The following GRIA4 variants were observed in gnomAD, a reference collection of about 807,000 sequenced individuals.
GRIA4 encodes the protein glutamate receptor 4.
A neutral mutation model predicts 104.0 loss-of-function variants in GRIA4; 34 were observed. The observed-to-expected ratio is 0.33, with a 90% CI of 0.25 to 0.44. GRIA4 has a LOEUF of 0.44. Among genes scored for constraint, GRIA4 ranks in the 20% least tolerant of loss-of-function variants. The pLI is 1.00. For synonymous variants in GRIA4, 386 were observed against 381.9 expected (o/e 1.01, Z -0.13); for missense variants, 750 against 1,096.5 (o/e 0.68, Z 4.46).
intron 14 of GRIA4, among the ~76,000 whole-genome samples, chr11:105,966,700 AG>A (rs1028180602): frequency 1.2e-5 from 1 of 86,412 alleles, no homozygotes; most frequent in African/African-American, 4.6e-5. Flanking sequence ...CTAAAATAAT[AG>A]TTTTTTTTAT....
At chr11:105,909,247 C>G (rs146136406) in intron 9 of GRIA4, among the ~76,000 whole-genome samples, 2 of 152,122 alleles carry the variant, frequency 1.3e-5, no homozygotes, top group Non-Finnish European at 2.9e-5. Context: ...TAAATACTAA[C>G]ATGGCAGTTG....
At chr11:105,949,866 A>C (rs1428331340) in intron 14 of GRIA4, among the ~76,000 whole-genome samples, 1 of 152,194 alleles carries the variant, frequency 6.6e-6, no homozygotes, top group Non-Finnish European at 1.5e-5. Context: ...TTTGATTAAG[A>C]GACTAGACTT....
At chr11:105,712,015 A>C (rs909077212) in intron 3 of GRIA4, among the ~76,000 whole-genome samples, 3 of 152,182 alleles carry the variant, frequency 2.0e-5, no homozygotes, top group Admixed American at 6.6e-5. Flanking sequence ...TCTCTATGAT[A>C]GAGTTTTTGA....
At chr11:105,672,899 G>T (rs558224727) in intron 3 of GRIA4, among the ~76,000 whole-genome samples, 2 of 151,834 alleles carry the variant, frequency 1.3e-5, no homozygotes, top group African/African-American at 4.8e-5. Flanking sequence ...TTAAATGCAG[G>T]TATTCATTTA....
intron 3 of GRIA4, among the ~76,000 whole-genome samples, chr11:105,681,604 T>C (rs1279541737): frequency 6.6e-6 from 1 of 152,170 alleles, no homozygotes; most frequent in African/African-American, 2.4e-5. Flanking sequence ...TAGTCTGAAT[T>C]GAGATGTTCT....
rs140010962 is a variant in GRIA4, at chr11:105,644,355, C to T, written c.247+31921C>T. Reference sequence around the variant, plus strand: ...CGCCTGTAATCCCAGCACTTTGGGACGCCAAGGTGGGGAACTGCTTGAGAT... The same window carrying T: ...CGCCTGTAATCCCAGCACTTTGGGATGCCAAGGTGGGGAACTGCTTGAGAT... On this transcript the variant is annotated intron_variant, in intron 3 of 16. Transcript: ENST00000282499. 7.9e-4 allele frequency among the ~76,000 whole-genome samples: 119 copies of T among 151,380 alleles called. No homozygotes were observed. In the East Asian group the frequency reaches 0.015, roughly 19 times the overall value.
intron 5 of GRIA4, among the ~76,000 whole-genome samples, chr11:105,879,765 T>C (rs916855549): frequency 2.6e-5 from 4 of 152,234 alleles, no homozygotes; most frequent in African/African-American, 9.6e-5. Context: ...GGATTTCTCA[T>C]AAACAGGTTT....
chr11:105,653,516 A>G (rs1951742869), intron 3 of GRIA4, among the ~76,000 whole-genome samples: 1 of 152,222 alleles, frequency 6.6e-6, no homozygotes, highest in African/African-American at 2.4e-5. Flanking sequence ...TAAGAATGGC[A>G]TGCAATTGAA....
intron 3 of GRIA4, among the ~76,000 whole-genome samples, chr11:105,730,245 A>G (rs1179792511): frequency 1.3e-5 from 2 of 152,196 alleles, no homozygotes; most frequent in African/African-American, 4.8e-5. Context: ...ATAGACAAAC[A>G]GTGAGCCAAA....
intron 14 of GRIA4, among the ~76,000 whole-genome samples, chr11:105,954,816 T>C (rs1209631322): frequency 1.3e-5 from 2 of 151,722 alleles, no homozygotes; most frequent in Non-Finnish European, 2.9e-5. Context: ...ATTTGCAATA[T>C]GCAGTTATTA....
At chr11:105,837,656 G>T (rs548349171) in intron 4 of GRIA4, among the ~76,000 whole-genome samples, 1 of 152,062 alleles carries the variant, frequency 6.6e-6, no homozygotes, top group Non-Finnish European at 1.5e-5. Flanking sequence ...ACTCAATGAG[G>T]ATTTAATGAG....
At chr11:105,629,406 G>A (rs958024948) in intron 3 of GRIA4, among the ~76,000 whole-genome samples, 1 of 151,882 alleles carries the variant, frequency 6.6e-6, no homozygotes, top group Admixed American at 6.6e-5. Flanking sequence ...ATTATTATAT[G>A]GCTACTAAAC....
chr11:105,768,829 A>T (rs1456218219), intron 4 of GRIA4, among the ~76,000 whole-genome samples: 3 of 152,056 alleles, frequency 2.0e-5, no homozygotes, highest in African/African-American at 7.2e-5. Context: ...CACAAATCTC[A>T]TGAATGTTAA....
chr11:105,721,139 G>C (rs1178127635), intron 3 of GRIA4, among the ~76,000 whole-genome samples: 1 of 151,996 alleles, frequency 6.6e-6, no homozygotes, highest in Non-Finnish European at 1.5e-5. Context: ...CTATGTTTTG[G>C]GGTTTTTAAT....
chr11:105,913,568 A>G lies in GRIA4; in HGVS notation c.1269+3023A>G, dbSNP rs919212610. ...TTTCTGCAAATAACCCAAAGAAGCC[A>G]AATCTATTCCATGTGGTTTGGATAA... is the stretch of plus-strand genomic sequence containing the variant. On this transcript the variant is annotated intron_variant, in intron 10 of 16. Coordinates refer to ENST00000282499, the MANE Select transcript of GRIA4 (RefSeq NM_000829.4). 3 of 794,194 alleles carry G rather than the reference A, an allele frequency of 3.8e-6. No individual in the cohort carries two copies. The African/African-American group carries it at 5.6e-5, about 15-fold the overall frequency. The allele number at this position is 794,194 out of a possible 1,614,324, so 49.2% of individuals were successfully genotyped here. A position where few individuals can be genotyped will look rare whatever the true frequency, so the allele number is the denominator to read the frequency against.
chr11:105,678,115 A>G (rs1952598591), intron 3 of GRIA4, among the ~76,000 whole-genome samples: 3 of 152,012 alleles, frequency 2.0e-5, no homozygotes, highest in Non-Finnish European at 2.9e-5. Context: ...GATCCCAACT[A>G]TAAGGTTTTT....
chr11:105,900,358 A>G (rs1429121213), intron 7 of GRIA4, among the ~76,000 whole-genome samples: 1 of 152,104 alleles, frequency 6.6e-6, no homozygotes, highest in Non-Finnish European at 1.5e-5. Context: ...TCCATTCTAT[A>G]GGCCAATCAG....
At chr11:105,793,584 T>C (rs942445563) in intron 4 of GRIA4, among the ~76,000 whole-genome samples, 17 of 152,272 alleles carry the variant, frequency 1.1e-4, no homozygotes, top group African/African-American at 3.4e-4. Flanking sequence ...GTTCACAGAT[T>C]TGAAAGCCTC....
At chr11:105,799,661 A>G (rs1028257289) in intron 4 of GRIA4, among the ~76,000 whole-genome samples, 1 of 152,094 alleles carries the variant, frequency 6.6e-6, no homozygotes, top group African/African-American at 2.4e-5. Context: ...ATTTGCATGA[A>G]CAGATATAGT....
Sources: gnomAD v4.1 joint callset for allele counts (sites outside exome capture counted in the v4.1 genomes callset) on GRCh38, gnomAD v4.1.1 for gene constraint, MANE v1.5 for transcripts, NCBI Gene and HGNC (gene_info 2026-07-23, HGNC 2026-07-21) for gene names.